PDE7A: variants seen among roughly 807,000 people sequenced by gnomAD.
PDE7A encodes phosphodiesterase 7A.
Under a neutral mutation model 64.3 loss-of-function variants are expected in PDE7A, and 39 were observed. That is an observed-to-expected ratio of 0.61 (90% CI 0.47 to 0.79). The LOEUF (loss-of-function observed/expected upper bound fraction) is 0.79. PDE7A is among the 30% of genes least tolerant of loss of function. PDE7A has a pLI of 0.00. For synonymous variants in PDE7A, 203 were observed against 206.8 expected (o/e 0.98, Z 0.16); for missense variants, 470 against 582.8 (o/e 0.81, Z 1.99).
intron 2 of PDE7A, among the ~76,000 whole-genome samples, chr8:65,782,250 A>G (rs1809439489): frequency 6.6e-6 from 1 of 152,244 alleles, no homozygotes; most frequent in South Asian, 2.1e-4. Context: ...GAAATCTGGC[A>G]CAGAGAAAAA....
rs2128906873 is a variant in PDE7A, at chr8:65,747,786, C to A, written c.301G>T (p.Val101Leu). The A allele has an allele frequency of 6.2e-7, 1 of 1,605,688 alleles. No homozygotes were observed. Among genetic ancestry groups the A allele is most frequent in the South Asian group, 1.1e-5 (1 of 89,712 alleles). Residue 101 changes from valine (V) to leucine (L), a missense_variant, in exon 4 of 13, where the codon GTG becomes TTG. Physicochemically the swap from Val to Leu is conservative, Grantham distance 32. Transcript: ENST00000401827. ...CTGATATTCCTTGCAGAGACAGACA[C>A]TTCAATTTCAGATTGAGCTGAAATA... ...RIFHSQSEIE[V>L]SVSARNIRRL...
intron 3 of PDE7A, among the ~76,000 whole-genome samples, chr8:65,763,018 TG>T (rs1808588830): frequency 6.6e-6 from 1 of 151,374 alleles, no homozygotes; most frequent in African/African-American, 2.4e-5. Context: ...TGTGTGTGTG[TG>T]TGTGTGTGTG....
At chr8:65,805,568 A>G (rs1810089944) in intron 1 of PDE7A, among the ~76,000 whole-genome samples, 1 of 152,124 alleles carries the variant, frequency 6.6e-6, no homozygotes, top group South Asian at 2.1e-4. Flanking sequence ...AACAGCATGG[A>G]CTTACCATCA....
chr8:65,776,557 TTTAAG>T (rs1809265343), intron 3 of PDE7A, among the ~76,000 whole-genome samples: 1 of 152,314 alleles, frequency 6.6e-6, no homozygotes, highest in Non-Finnish European at 1.5e-5. Flanking sequence ...TATATTTCTA[TTTAAG>T]TTATCTTTAA....
chr8:65,757,859 C>T (rs1182205381), intron 3 of PDE7A, among the ~76,000 whole-genome samples: 5 of 152,142 alleles, frequency 3.3e-5, no homozygotes, highest in Admixed American at 3.3e-4. Flanking sequence ...CCTCGTGATC[C>T]GACCGCCTTG....
chr8:65,768,707 T>G (rs1394456317), intron 3 of PDE7A, among the ~76,000 whole-genome samples: 6 of 152,212 alleles, frequency 3.9e-5, no homozygotes, highest in Non-Finnish European at 8.8e-5. Context: ...AAGAAAATAC[T>G]CCAAGAATGT....
chr8:65,806,889 C>T (rs560446648), intron 1 of PDE7A, among the ~76,000 whole-genome samples: 1 of 152,316 alleles, frequency 6.6e-6, no homozygotes, highest in South Asian at 2.1e-4. Flanking sequence ...AATTCTATTC[C>T]ATTGATCTAT....
At chr8:65,795,628 G>A (rs186357272) in intron 1 of PDE7A, among the ~76,000 whole-genome samples, 6 of 152,018 alleles carry the variant, frequency 3.9e-5, no homozygotes, top group East Asian at 1.9e-4. Context: ...ATGCCATACC[G>A]TTAGGAGGTA....
At chr8:65,752,134 G>A (rs958974254) in intron 3 of PDE7A, among the ~76,000 whole-genome samples, 2 of 152,124 alleles carry the variant, frequency 1.3e-5, no homozygotes, top group African/African-American at 4.8e-5. Context: ...GTTATTGCAC[G>A]AGGAAGTCAC....
At chr8:65,729,267 T>C (rs777402387) in intron 7 of PDE7A, among the ~76,000 whole-genome samples, 6 of 152,168 alleles carry the variant, frequency 3.9e-5, no homozygotes, top group Non-Finnish European at 7.3e-5. Flanking sequence ...GTGGTGAGTT[T>C]TGCTGTGTTC....
chr8:65,841,361 C>T lies in PDE7A; in HGVS notation c.138+10G>A. Reference sequence around the variant, plus strand: ...AAGCCCTCAAGTGTGGGCCCGGCGGCGGCGATTACCTGAGAGAGCTGCCGG... The same window carrying T: ...AAGCCCTCAAGTGTGGGCCCGGCGGTGGCGATTACCTGAGAGAGCTGCCGG... On this transcript the variant is annotated intron_variant, in intron 1 of 12. Coordinates refer to ENST00000401827, the MANE Select transcript of PDE7A (RefSeq NM_001242318.3). The T allele has an allele frequency of 6.5e-7, 1 of 1,533,152 alleles. No homozygotes were observed. The highest frequency in any genetic ancestry group is 1.2e-5 in the South Asian group (1 of 82,404). The allele number at this position is 1,533,152 out of a possible 1,614,324, so 95.0% of individuals were successfully genotyped here.
intron 1 of PDE7A, among the ~76,000 whole-genome samples, chr8:65,839,159 T>C (rs930274187): frequency 1.3e-5 from 2 of 152,138 alleles, no homozygotes; most frequent in African/African-American, 4.8e-5. Context: ...AAAAGGAAGG[T>C]TGCCAGTTTT....
chr8:65,776,348 AT>A (rs1809258895), intron 3 of PDE7A, among the ~76,000 whole-genome samples: 1 of 152,110 alleles, frequency 6.6e-6, no homozygotes, highest in Non-Finnish European at 1.5e-5. Context: ...CCTTGACTTA[AT>A]TATTATTGTT....
intron 1 of PDE7A, among the ~76,000 whole-genome samples, chr8:65,803,092 C>T (rs141670830): frequency 1.3e-5 from 2 of 152,294 alleles, no homozygotes; most frequent in African/African-American, 2.4e-5. Flanking sequence ...CTTGCTGAAC[C>T]GTGAGCCAAG....
intron 7 of PDE7A, among the ~76,000 whole-genome samples, chr8:65,730,168 C>CTTTTTTTTTTTTT (rs1563473710): frequency 3.2e-5 from 1 of 31,670 alleles, no homozygotes; most frequent in Non-Finnish European, 5.8e-5. Context: ...AGGTTGCGCA[C>CTTTTTTTTTTTTT]TTCTTTTTTT....
chr8:65,735,603 G>A (rs1401273360), intron 6 of PDE7A, among the ~76,000 whole-genome samples: 2 of 151,938 alleles, frequency 1.3e-5, no homozygotes, highest in African/African-American at 4.8e-5. Context: ...GAGCCACTAT[G>A]CCCCACCTAA....
rs1187816579 is a variant in PDE7A, at chr8:65,723,525, A to G, written c.1243+16T>C. 1 of 1,515,542 alleles carries G rather than the reference A, an allele frequency of 6.6e-7. No individual in the cohort carries two copies. The highest frequency in any genetic ancestry group is 1.4e-5 in the South Asian group (1 of 68,994). 93.9% of individuals were successfully genotyped at this position (1,515,542 alleles called of 1,614,324 possible). On this transcript the variant is annotated intron_variant, in intron 12 of 12. Transcript: ENST00000401827. ...GGCATTTTTCTAACCAGCTATATCT[A>G]AATATGTATAGTTACCAATCTGGAT...
intron 10 of PDE7A, 30 bp from the exon 11 acceptor site, chr8:65,724,381 A>G (rs1202134382): frequency 7.0e-7 from 1 of 1,429,788 alleles, no homozygotes; most frequent in Non-Finnish European, 9.9e-7. Context: ...TATTGTTTTA[A>G]GATATATACA....
At chr8:65,765,588 A>C (rs1808741997) in intron 3 of PDE7A, 1 of 151,982 alleles carries the variant, frequency 6.6e-6, no homozygotes, top group Admixed American at 6.6e-5. Context: ...AAGAAAATGG[A>C]AAAAACTGCA....
Sources: gnomAD v4.1 joint callset for allele counts (sites outside exome capture counted in the v4.1 genomes callset) on GRCh38, gnomAD v4.1.1 for gene constraint, MANE v1.5 for transcripts, NCBI Gene and HGNC (gene_info 2026-07-23, HGNC 2026-07-21) for gene names.